The following GTF2I variants were observed in gnomAD, a reference collection of about 807,000 sequenced individuals.
The protein encoded by GTF2I is general transcription factor IIi, also known as general transcription factor II-I.
GTF2I carries 12 observed loss-of-function variants against 67.6 expected under a neutral mutation model. The ratio of observed to expected loss-of-function variants is 0.18; its 90% CI spans 0.11 to 0.29. The LOEUF (loss-of-function observed/expected upper bound fraction) is 0.29, where lower values mean the gene tolerates loss of function less well. Ranked by LOEUF, GTF2I falls within the 10% of genes least tolerant of loss-of-function variation. The pLI is 1.00. For missense variants in GTF2I, 271 were observed against 580.1 expected, an observed-to-expected ratio of 0.47 and a Z score of 5.47; for synonymous variants, 149 against 197.0, an observed-to-expected ratio of 0.76 and a Z score of 2.04.
intron 1 of GTF2I, among the ~76,000 whole-genome samples, chr7:74,676,837 C>T (rs1805946010): frequency 6.6e-6 from 1 of 152,116 alleles, no homozygotes; most frequent in Non-Finnish European, 1.5e-5. Context: ...GGGCAAATCA[C>T]TTGAGGTCAG....
At chr7:74,715,614 T>G (rs1278160649) in intron 10 of GTF2I, among the ~76,000 whole-genome samples, 1 of 152,050 alleles carries the variant, frequency 6.6e-6, no homozygotes, top group African/African-American at 2.4e-5. Context: ...CTTTGACTTT[T>G]ACAGTCAAAT....
intron 12 of GTF2I, among the ~76,000 whole-genome samples, chr7:74,723,428 C>CCTTTTTTTTTTTTTTTTTTTTTTTTT (rs1793319970): frequency 1.6e-5 from 1 of 61,090 alleles, no homozygotes; most frequent in African/African-American, 8.3e-5. Flanking sequence ...CTCCCGGCCT[C>CCTTTTTTTTTTTTTTTTTTTTTTTTT]TTTTTTTTTT....
intron 1 of GTF2I, among the ~76,000 whole-genome samples, chr7:74,661,142 G>A (rs1392493768): frequency 6.6e-6 from 1 of 152,150 alleles, no homozygotes; most frequent in African/African-American, 2.4e-5. Flanking sequence ...CTAAGCCGAG[G>A]TTGTGAAACC....
At chr7:74,720,030 C>T (rs1327059368) in intron 12 of GTF2I, among the ~76,000 whole-genome samples, 1 of 152,166 alleles carries the variant, frequency 6.6e-6, no homozygotes, top group African/African-American at 2.4e-5. Context: ...GTAAATTGTA[C>T]AGTGGAAAGT....
At chr7:74,719,572 A>G (rs1424654595) in intron 12 of GTF2I, among the ~76,000 whole-genome samples, 1 of 152,246 alleles carries the variant, frequency 6.6e-6, no homozygotes, top group African/African-American at 2.4e-5. Flanking sequence ...AGAATTATTA[A>G]CTATCACTTC....
chr7:74,689,059 C>T (rs1788004574), intron 1 of GTF2I, 65 bp from the exon 2 acceptor site: 1 of 925,254 alleles, frequency 1.1e-6, no homozygotes, highest in African/African-American at 1.6e-5. Flanking sequence ...GCCCTCACAG[C>T]TTTGGCTGTG....
chr7:74,659,611 A>G (rs587707615), intron 1 of GTF2I, among the ~76,000 whole-genome samples: 1 of 151,082 alleles, frequency 6.6e-6, no homozygotes, highest in Non-Finnish European at 1.5e-5. Flanking sequence ...CTGGTCTCCA[A>G]CTCTTGAATC....
intron 1 of GTF2I, among the ~76,000 whole-genome samples, chr7:74,664,299 C>G (rs1192533248): frequency 6.6e-6 from 1 of 152,098 alleles, no homozygotes; most frequent in Non-Finnish European, 1.5e-5. Flanking sequence ...TTTTGGTATT[C>G]CATGCCTGTT....
At chr7:74,674,194 T>C (rs1805701282) in intron 1 of GTF2I, among the ~76,000 whole-genome samples, 1 of 151,304 alleles carries the variant, frequency 6.6e-6, no homozygotes, top group South Asian at 2.1e-4. Context: ...CTCAGGCTCC[T>C]GAGTAGCTGG....
intron 1 of GTF2I, among the ~76,000 whole-genome samples, chr7:74,686,612 T>A (rs1191563874): frequency 3.3e-5 from 5 of 152,224 alleles, no homozygotes; most frequent in African/African-American, 1.2e-4. Flanking sequence ...GAAACATATA[T>A]GCCTTTGTTG....
At chr7:74,672,709 G>A (rs901760532) in intron 1 of GTF2I, among the ~76,000 whole-genome samples, 4 of 152,162 alleles carry the variant, frequency 2.6e-5, no homozygotes, top group African/African-American at 9.7e-5. Flanking sequence ...CAGGTCTAGT[G>A]TAGTCTCTGG....
intron 1 of GTF2I, among the ~76,000 whole-genome samples, chr7:74,681,841 G>C (rs1787300549): frequency 6.6e-6 from 1 of 152,150 alleles, no homozygotes; most frequent in African/African-American, 2.4e-5. Context: ...GAACCCAGGA[G>C]GTGGAGGTTG....
intron 7 of GTF2I, among the ~76,000 whole-genome samples, chr7:74,705,852 C>A (rs1449229936): frequency 6.6e-6 from 1 of 151,888 alleles, no homozygotes; most frequent in African/African-American, 2.4e-5. Context: ...GCATGAGCCA[C>A]CACGCCTGGC....
intron 6 of GTF2I, among the ~76,000 whole-genome samples, chr7:74,704,256 CTT>C (rs1554400637): frequency 9.8e-6 from 1 of 102,030 alleles, no homozygotes; most frequent in Non-Finnish European, 2.2e-5. Flanking sequence ...TTTTTTTAAA[CTT>C]AATTATTATT....
intron 1 of GTF2I, among the ~76,000 whole-genome samples, chr7:74,666,012 G>T (rs1263252068): frequency 3.9e-5 from 6 of 152,128 alleles, no homozygotes; most frequent in African/African-American, 1.4e-4. Context: ...GCTAATTTTT[G>T]TATTTTTTAG....
At chr7:74,721,371 C>A (rs1792968663) in intron 12 of GTF2I, among the ~76,000 whole-genome samples, 1 of 152,112 alleles carries the variant, frequency 6.6e-6, no homozygotes, top group African/African-American at 2.4e-5. Flanking sequence ...GACATTGTGC[C>A]ATAAGCCTGA....
At chr7:74,711,254 T>TA in intron 9 of GTF2I, 145 bp downstream of exon 9, 1 of 460,420 alleles carries the variant, frequency 2.2e-6, no homozygotes, top group Non-Finnish European at 3.9e-6. Flanking sequence ...GTCCCGGGGA[T>TA]AAAACATTTA....
At chr7:74,671,384 G>A (rs1478887809) in intron 1 of GTF2I, among the ~76,000 whole-genome samples, 1 of 151,800 alleles carries the variant, frequency 6.6e-6, no homozygotes, top group Non-Finnish European at 1.5e-5. Flanking sequence ...ACTGCACCTG[G>A]CTAGATCTTT....
intron 1 of GTF2I, among the ~76,000 whole-genome samples, chr7:74,660,920 C>A (rs1371008185): frequency 6.6e-6 from 1 of 152,202 alleles, no homozygotes; most frequent in Non-Finnish European, 1.5e-5. Flanking sequence ...CGTCCTCGTG[C>A]CTTGCCGGTG....
Sources: gnomAD v4.1 joint callset for allele counts (sites outside exome capture counted in the v4.1 genomes callset) on GRCh38, gnomAD v4.1.1 for gene constraint, MANE v1.5 for transcripts, NCBI Gene and HGNC (gene_info 2026-07-23, HGNC 2026-07-21) for gene names.